The following EFCAB13 variants were observed in gnomAD, a reference collection of about 807,000 sequenced individuals.
EFCAB13 encodes EF-hand calcium-binding domain-containing protein 13.
A neutral mutation model predicts 110.2 loss-of-function variants in EFCAB13; 91 were observed. The ratio of observed to expected loss-of-function variants is 0.83; its 90% CI spans 0.70 to 0.98. EFCAB13 has a LOEUF of 0.98. Ranked by LOEUF, EFCAB13 falls within the 50% of genes least tolerant of loss-of-function variation. The pLI, the probability that EFCAB13 is intolerant of heterozygous loss-of-function variation, is 0.00. For missense variants in EFCAB13, 968 were observed against 1,119.4 expected (o/e 0.86, Z 1.93); for synonymous variants, 323 against 369.9 (o/e 0.87, Z 1.45).
At chr17:47,346,014 C>A (rs2143270752) in intron 8 of EFCAB13, among the ~76,000 whole-genome samples, 1 of 152,216 alleles carries the variant, frequency 6.6e-6, no homozygotes, top group East Asian at 1.9e-4. Context: ...GAAACTGAAT[C>A]TTTTCTCCCC....
chr17:47,346,433 A>ACCCCC (rs60932759), intron 8 of EFCAB13, among the ~76,000 whole-genome samples: 2 of 94,390 alleles, frequency 2.1e-5, no homozygotes, highest in African/African-American at 8.7e-5. Context: ...AACGTACTTT[A>ACCCCC]CCCCCCCCCC....
At chr17:47,402,621 G>C (rs1384417791) in intron 18 of EFCAB13, among the ~76,000 whole-genome samples, 9 of 152,174 alleles carry the variant, frequency 5.9e-5, no homozygotes, top group Admixed American at 2.0e-4. Flanking sequence ...CCATTGGTGT[G>C]GATGACTTTG....
intron 23 of EFCAB13, among the ~76,000 whole-genome samples, chr17:47,420,075 G>C (rs1904592401): frequency 6.6e-6 from 1 of 152,150 alleles, no homozygotes; most frequent in South Asian, 2.1e-4. Flanking sequence ...AGCCTGCCAA[G>C]TGCCTGCAAT....
intron 10 of EFCAB13, among the ~76,000 whole-genome samples, chr17:47,364,735 C>T (rs183480264): frequency 3.3e-5 from 5 of 152,322 alleles, no homozygotes; most frequent in Middle Eastern, 3.4e-3. Flanking sequence ...CATTCAAATA[C>T]GGGTCTGATC....
chr17:47,357,378 T>C (rs1461524616), intron 9 of EFCAB13, among the ~76,000 whole-genome samples: 2 of 152,230 alleles, frequency 1.3e-5, no homozygotes, highest in African/African-American at 4.8e-5. Context: ...ATTTCTTGAT[T>C]TTTCAAGTCC....
chr17:47,395,893 G>C lies in EFCAB13; in HGVS notation c.1861G>C (p.Asp621His), dbSNP rs1433569041. ...DLRKETMSVSDLWNTLSSLNS... is the reference protein window; with the variant it reads ...DLRKETMSVSHLWNTLSSLNS... Reference sequence around the variant, plus strand: ...CAGAAAGGAGACGATGAGTGTTTCTGACCTGTGGAATACTCTGTCTAGTTT... The same window carrying C: ...CAGAAAGGAGACGATGAGTGTTTCTCACCTGTGGAATACTCTGTCTAGTTT... The change falls in exon 17 of 25, where the codon GAC becomes CAC. Residue 621 changes from aspartate (D) to histidine (H), a missense_variant. Asp to His is a moderately conservative substitution (Grantham distance 81, BLOSUM62 -1). Coordinates refer to ENST00000331493, the MANE Select transcript of EFCAB13 (RefSeq NM_152347.5). 1 of 1,611,146 alleles carries C rather than the reference G, an allele frequency of 6.2e-7. No individual in the cohort carries two copies. Among genetic ancestry groups the C allele is most frequent in the Non-Finnish European group, 8.5e-7 (1 of 1,177,992 alleles).
At chr17:47,439,215 C>T (rs1047899470) in intron 24 of EFCAB13, among the ~76,000 whole-genome samples, 2 of 113,250 alleles carry the variant, frequency 1.8e-5, no homozygotes, top group East Asian at 5.3e-4. Context: ...CTTGCTCTGT[C>T]GCTCAGGCTG....
chr17:47,334,850 G>A (rs1567779629), intron 4 of EFCAB13, among the ~76,000 whole-genome samples: 1 of 152,180 alleles, frequency 6.6e-6, no homozygotes, highest in Non-Finnish European at 1.5e-5. Flanking sequence ...GGGAGGTCAA[G>A]GCTGCAGTGA....
At chr17:47,362,153 T>C (rs552709632) in intron 10 of EFCAB13, among the ~76,000 whole-genome samples, 1 of 152,248 alleles carries the variant, frequency 6.6e-6, no homozygotes, top group Admixed American at 6.5e-5. Context: ...ATAAGTATAG[T>C]TATACTAGAT....
At chr17:47,405,499 C>T (rs888660464) in intron 20 of EFCAB13, among the ~76,000 whole-genome samples, 1 of 151,842 alleles carries the variant, frequency 6.6e-6, no homozygotes, top group Non-Finnish European at 1.5e-5. Context: ...ACATTTTTTT[C>T]TAGTTTATTT....
intron 5 of EFCAB13, among the ~76,000 whole-genome samples, chr17:47,336,323 G>A (rs1480586065): frequency 1.4e-5 from 2 of 144,814 alleles, no homozygotes; most frequent in Non-Finnish European, 3.0e-5. Flanking sequence ...ATGGAGTCTC[G>A]CTGTGTTGCC....
chr17:47,402,673 C>T (rs991216355), intron 18 of EFCAB13, among the ~76,000 whole-genome samples: 17 of 152,278 alleles, frequency 1.1e-4, no homozygotes, highest in Admixed American at 3.3e-4. Flanking sequence ...GGTCAAAGTG[C>T]TCTGAGGCCA....
chr17:47,409,468 G>A, intron 20 of EFCAB13, 179 bp from the exon 21 acceptor site: 1 of 586,014 alleles, frequency 1.7e-6, no homozygotes, highest in Non-Finnish European at 3.1e-6. Flanking sequence ...TAAGCAAAGA[G>A]TGAGGAGAGA....
chr17:47,440,715 G>C lies in EFCAB13; in HGVS notation c.*1G>C. ...GCTTAACCCAAACTCAAAATTTTAGGTAGTCTTACTTGATAGTGCTAGAAA... is the reference window on the plus strand; with the variant it reads ...GCTTAACCCAAACTCAAAATTTTAGCTAGTCTTACTTGATAGTGCTAGAAA... On this transcript the variant is annotated 3_prime_UTR_variant, in exon 25 of 25. Transcript: ENST00000331493. The C allele has an allele frequency of 6.4e-7, 1 of 1,552,446 alleles. No individual in the cohort carries two copies. Among genetic ancestry groups the C allele is most frequent in the Non-Finnish European group, 8.7e-7 (1 of 1,155,294 alleles).
chr17:47,355,383 C>T (rs1462727014), intron 9 of EFCAB13, among the ~76,000 whole-genome samples: 6 of 152,122 alleles, frequency 3.9e-5, no homozygotes, highest in African/African-American at 9.7e-5. Context: ...CGATGAATTT[C>T]TCAGGTGTTC....
chr17:47,424,822 G>A (rs966904007), intron 23 of EFCAB13, among the ~76,000 whole-genome samples: 12 of 146,538 alleles, frequency 8.2e-5, no homozygotes, highest in African/African-American at 2.8e-4. Flanking sequence ...CCAATCCTGA[G>A]CAAACCCTTC....
At chr17:47,361,248 G>A (rs923888002) in intron 9 of EFCAB13, 130 bp from the exon 10 acceptor site, 5 of 754,754 alleles carry the variant, frequency 6.6e-6, no homozygotes, top group Admixed American at 2.7e-5. Flanking sequence ...TGGTTTGCTT[G>A]TAGATAAATA....
At chr17:47,370,386 A>G (rs368856659) in intron 10 of EFCAB13, 51 bp from the exon 11 acceptor site, 22 of 1,217,682 alleles carry the variant, frequency 1.8e-5, no homozygotes, top group Admixed American at 6.9e-5. Context: ...AGGATGGCAG[A>G]TATATCTATG....
chr17:47,425,406 G>C (rs1193632491), intron 23 of EFCAB13, among the ~76,000 whole-genome samples: 1 of 152,148 alleles, frequency 6.6e-6, no homozygotes, highest in African/African-American at 2.4e-5. Flanking sequence ...CTCTGTGTGT[G>C]ATGAAGGTGC....
Sources: gnomAD v4.1 joint callset for allele counts (sites outside exome capture counted in the v4.1 genomes callset) on GRCh38, gnomAD v4.1.1 for gene constraint, MANE v1.5 for transcripts, NCBI Gene and HGNC (gene_info 2026-07-23, HGNC 2026-07-21) for gene names.